HDC: variants seen among roughly 807,000 people sequenced by gnomAD.
HDC encodes the protein histidine decarboxylase.
A neutral mutation model predicts 64.4 loss-of-function variants in HDC; 27 were observed. The ratio of observed to expected loss-of-function variants is 0.42; its 90% CI spans 0.31 to 0.58. The LOEUF (loss-of-function observed/expected upper bound fraction) is 0.58. Ranked by LOEUF, HDC falls within the 20% of genes least tolerant of loss-of-function variation. HDC has a pLI of 0.16. For synonymous variants in HDC, 305 were observed against 314.2 expected, an observed-to-expected ratio of 0.97 and a Z score of 0.31; for missense variants, 711 against 833.9, an observed-to-expected ratio of 0.85 and a Z score of 1.81.
rs1436552773 is a variant in HDC, at chr15:50,248,267, T to A, written c.1118A>T (p.Asn373Ile). Reference protein sequence around the residue: ...WFVIRSFGVKNLQAHVRHGTE... With the variant: ...WFVIRSFGVKILQAHVRHGTE... ...TACATGTCTGACATGTGCTTGAAGA[T>A]TCTTCACCCCGAAGGACCGAATCAC... is the stretch of plus-strand genomic sequence containing the variant. The change falls in exon 10 of 12, where the codon AAT becomes ATT. Residue 373 changes from asparagine to isoleucine, a missense_variant. Asn to Ile is a moderately radical substitution (Grantham distance 149). This residue lies in a region of HDC where 483 missense variants were observed against 540.9 expected (regional missense o/e 0.89). Transcript: ENST00000267845. The surrounding 1 kb of genome is among the most constrained non-coding windows in gnomAD (Gnocchi z 4.3). The A allele has an allele frequency of 6.2e-7, 1 of 1,613,646 alleles. No homozygotes were observed. The highest frequency in any genetic ancestry group is 1.3e-5 in the African/African-American group (1 of 75,058).
chr15:50,243,871 T>C (rs1393829997), intron 10 of HDC, among the ~76,000 whole-genome samples: 2 of 152,358 alleles, frequency 1.3e-5, no homozygotes, highest in East Asian at 3.9e-4. Context: ...ACCTGGTTAA[T>C]GGATACAGAG....
At chr15:50,262,979 G>A (rs113233559) in intron 2 of HDC, among the ~76,000 whole-genome samples, 9 of 152,342 alleles carry the variant, frequency 5.9e-5, no homozygotes, top group African/African-American at 2.2e-4. Context: ...GAATGCAGGT[G>A]TTCTGGCCAG....
chr15:50,256,065 C>G (rs1285864849), intron 4 of HDC, among the ~76,000 whole-genome samples: 2 of 152,178 alleles, frequency 1.3e-5, no homozygotes, highest in African/African-American at 4.8e-5. Flanking sequence ...GCTGTGTAAG[C>G]TAGGGCAAAT....
chr15:50,260,642 C>T (rs2045690237), intron 2 of HDC, among the ~76,000 whole-genome samples: 2 of 152,208 alleles, frequency 1.3e-5, no homozygotes, highest in Admixed American at 1.3e-4. Flanking sequence ...CTCTCCAAGC[C>T]TTCTCTTACT....
At chr15:50,265,061 T>C (rs930785009) in intron 1 of HDC, among the ~76,000 whole-genome samples, 3 of 152,236 alleles carry the variant, frequency 2.0e-5, no homozygotes, top group Non-Finnish European at 4.4e-5. Context: ...CTACCTACTT[T>C]CCTGCTAAGG....
rs760423840 is a variant in HDC at position 50,242,330 on chromosome 15, G to C, written c.1919C>G (p.Pro640Arg). Residue 640 changes from proline to arginine, a missense_variant, in exon 12 of 12, where the codon CCC becomes CGC. Physicochemically the swap from Pro to Arg is moderately radical, Grantham distance 103. Coordinates refer to ENST00000267845, the MANE Select transcript of HDC (RefSeq NM_002112.4). ...TTGAGAGCTGCATTCAGGAAAGCTGGGGACGCTGTAGAATTTGATGAGTTT... is the reference window on the plus strand; with the variant it reads ...TTGAGAGCTGCATTCAGGAAAGCTGCGGACGCTGTAGAATTTGATGAGTTT... ...FKKLIKFYSV[P>R]SFPECSSQCG... 1 of 1,614,102 alleles carries C rather than the reference G, an allele frequency of 6.2e-7. No individual in the cohort carries two copies.
chr15:50,257,391 C>A, intron 4 of HDC, 34 bp downstream of exon 4: 1 of 1,613,898 alleles, frequency 6.2e-7, no homozygotes, highest in Non-Finnish European at 8.5e-7. Flanking sequence ...CTACTTAGCC[C>A]CCAAGCTAGG....
Position 50,248,244 on chromosome 15 carries a change from C to T in HDC, c.1140+1G>A, listed in dbSNP as rs781565833. ...AGCCCCCACAGCAGCATGCTACATA[C>T]ATGTCTGACATGTGCTTGAAGATTC... On this transcript the variant is annotated splice_donor_variant, in intron 10 of 11. Coordinates refer to ENST00000267845, the MANE Select transcript of HDC (RefSeq NM_002112.4). LOFTEE classifies it high-confidence loss of function. The surrounding 1 kb of genome is among the most constrained non-coding windows in gnomAD (Gnocchi z 4.3). 3.1e-6 allele frequency: 5 copies of T among 1,601,172 alleles called. No individual in the cohort carries two copies. The highest frequency in any genetic ancestry group is 4.3e-6 in the Non-Finnish European group (5 of 1,168,240).
At chr15:50,263,987 T>C (rs2045737885) in intron 1 of HDC, among the ~76,000 whole-genome samples, 1 of 152,206 alleles carries the variant, frequency 6.6e-6, no homozygotes. Context: ...CCTTCCTTTA[T>C]CCACTTCAAT....
rs370153946 is a variant in HDC, at chr15:50,248,312, C to A, written c.1073G>T (p.Arg358Leu). 2 of 1,614,060 alleles carry A rather than the reference C, an allele frequency of 1.2e-6. No homozygotes were observed. The highest frequency in any genetic ancestry group is 1.7e-6 in the Non-Finnish European group (2 of 1,179,936). The change falls in exon 10 of 12, where the codon CGC becomes CTC. Residue 358 changes from arginine (R) to leucine (L), a missense_variant. Arg to Leu is a moderately radical substitution (Grantham distance 102). This residue lies in a region of HDC where 483 missense variants were observed against 540.9 expected (regional missense o/e 0.89). Transcript: ENST00000267845. This position sits in a 1 kb window ranked among gnomAD's most constrained non-coding sequence, Gnocchi z 4.3. Reference sequence around the variant, plus strand: ...AATCACGAACCAGAGTTTAACAGAGCGAAACCGTCGGCTCAGGGGGATCTG... The same window carrying A: ...AATCACGAACCAGAGTTTAACAGAGAGAAACCGTCGGCTCAGGGGGATCTG... Reference protein sequence around the residue: ...HWQIPLSRRFRSVKLWFVIRS... With the variant: ...HWQIPLSRRFLSVKLWFVIRS...
intron 10 of HDC, among the ~76,000 whole-genome samples, chr15:50,246,847 A>G (rs1417548573): frequency 6.6e-6 from 1 of 152,252 alleles, no homozygotes; most frequent in African/African-American, 2.4e-5. Context: ...GAAACAGCAC[A>G]AAGTGCCTAA....
Position 50,263,249 on chromosome 15 carries a change from T to C in HDC, c.190A>G (p.Ile64Val). The C allele has an allele frequency of 6.2e-7, 1 of 1,614,154 alleles. No individual in the cohort carries two copies. The highest frequency in any genetic ancestry group is 2.2e-5 in the East Asian group (1 of 44,874). Residue 64 changes from isoleucine (I) to valine (V), a missense_variant, in exon 2 of 12, where the codon ATC becomes GTC. Around this residue, in one of 3 missense-constraint regions of HDC, gnomAD observed 225 missense variants for 276.2 expected, o/e 0.81. Transcript: ENST00000267845. The stretch of plus-strand genomic sequence containing the variant: ...CTGTGTCTCACCCCAGGCATGATGA[T>C]TCGTTCAATGTCCCCAAAGATGCTG... ...WDSIFGDIER[I>V]IMPGVVHWQS...
At chr15:50,258,141 T>A (rs1444800027) in intron 3 of HDC, among the ~76,000 whole-genome samples, 5 of 152,204 alleles carry the variant, frequency 3.3e-5, no homozygotes, top group Admixed American at 1.3e-4. Flanking sequence ...CTTATCTGTG[T>A]CTCTATGAGC....
intron 9 of HDC, among the ~76,000 whole-genome samples, chr15:50,251,275 C>T (rs2045550582): frequency 6.6e-6 from 1 of 152,248 alleles, no homozygotes; most frequent in African/African-American, 2.4e-5. Flanking sequence ...CCTAACAAAT[C>T]TCTGCAGCTT....
intron 9 of HDC, among the ~76,000 whole-genome samples, chr15:50,249,119 C>G (rs1212237172): frequency 6.6e-6 from 1 of 152,206 alleles, no homozygotes. Context: ...TTCAAATGAG[C>G]ACCCAAATTT....
chr15:50,251,911 C>T (rs1431529414), intron 9 of HDC, among the ~76,000 whole-genome samples: 1 of 152,056 alleles, frequency 6.6e-6, no homozygotes, highest in Non-Finnish European at 1.5e-5. Flanking sequence ...GAGGCGCAGT[C>T]AGTTGGGAAA....
intron 9 of HDC, among the ~76,000 whole-genome samples, chr15:50,249,588 G>T (rs2045527390): frequency 6.6e-6 from 1 of 152,146 alleles, no homozygotes; most frequent in Non-Finnish European, 1.5e-5. Flanking sequence ...GCAGCTTGGG[G>T]GCTTTTGTGC....
At chr15:50,255,768 C>G (rs2045622009) in intron 4 of HDC, among the ~76,000 whole-genome samples, 1 of 152,096 alleles carries the variant, frequency 6.6e-6, no homozygotes, top group Non-Finnish European at 1.5e-5. Context: ...CCACTGCACT[C>G]CAGCCTGGGA....
At chr15:50,253,707 T>C in intron 6 of HDC, 41 bp from the exon 7 acceptor site, 1 of 1,528,622 alleles carries the variant, frequency 6.5e-7, no homozygotes, top group South Asian at 1.1e-5. Context: ...GAGGGTGGGC[T>C]CGTGTGACAC....
Sources: gnomAD v4.1 joint callset for allele counts (sites outside exome capture counted in the v4.1 genomes callset) on GRCh38, gnomAD v4.1.1 for gene constraint, gnomAD v4.1.1 regional missense constraint, Gnocchi (gnomAD v3.1) non-coding constraint, MANE v1.5 for transcripts, NCBI Gene and HGNC (gene_info 2026-07-23, HGNC 2026-07-21) for gene names.